ABLIM1: variants seen among roughly 807,000 people sequenced by gnomAD.
ABLIM1 encodes actin-binding LIM protein 1.
In ABLIM1, 40 loss-of-function variants were observed where a neutral mutation model predicts 107.0. The observed-to-expected ratio is 0.37, with a 90% CI of 0.29 to 0.49. ABLIM1 has a LOEUF of 0.49. Ranked by LOEUF, ABLIM1 falls within the 20% of genes least tolerant of loss-of-function variation. The pLI, the probability that ABLIM1 is intolerant of heterozygous loss-of-function variation, is 0.97. For missense variants in ABLIM1, 857 were observed against 1,008.5 expected (o/e 0.85, Z 2.04); for synonymous variants, 357 against 357.3 (o/e 1.00, Z 0.01).
At chr10:114,670,443 A>G (rs2080201733) in intron 1 of ABLIM1, among the ~76,000 whole-genome samples, 1 of 152,220 alleles carries the variant, frequency 6.6e-6, no homozygotes, top group African/African-American at 2.4e-5. Flanking sequence ...TGAGAAATGG[A>G]AATACAATCC....
At chr10:114,711,188 G>A (rs1008503151) in intron 1 of ABLIM1, among the ~76,000 whole-genome samples, 14 of 152,176 alleles carry the variant, frequency 9.2e-5, no homozygotes, top group Admixed American at 2.6e-4. Flanking sequence ...CGTAAGGAAC[G>A]GAATGGCTTC....
chr10:114,526,786 T>G lies in ABLIM1; in HGVS notation c.894+18219A>C, dbSNP rs1436795647. The G allele has an allele frequency of 1.5e-5, 15 of 985,410 alleles. No individual in the cohort carries two copies. The Admixed American group carries it at 9.2e-4, about 61-fold the overall frequency. 61.0% of individuals were successfully genotyped at this position (985,410 alleles called of 1,614,324 possible). A position where few individuals can be genotyped will look rare whatever the true frequency, so the allele number is the denominator to read the frequency against. On this transcript the variant is annotated intron_variant, in intron 6 of 22. Coordinates refer to ENST00000533213, the MANE Select transcript of ABLIM1 (RefSeq NM_002313.7). ...GATGCCAGACCTCAGCCCGACAGAC[T>G]GAGGCTCCCACCTGCCTGGGTTACA...
chr10:114,567,656 T>G (rs1347534773), intron 4 of ABLIM1, among the ~76,000 whole-genome samples: 1 of 152,206 alleles, frequency 6.6e-6, no homozygotes, highest in African/African-American at 2.4e-5. Flanking sequence ...TCAGAGACTC[T>G]TTCATATAAA....
intron 6 of ABLIM1, among the ~76,000 whole-genome samples, chr10:114,524,175 G>C (rs945499778): frequency 6.6e-6 from 1 of 152,204 alleles, no homozygotes; most frequent in African/African-American, 2.4e-5. Context: ...TCTGGTTTGG[G>C]TGGTGGTGGT....
At chr10:114,506,256 CCACCATGAATGGG>C in intron 6 of ABLIM1, among the ~76,000 whole-genome samples, 1 of 152,174 alleles carries the variant, frequency 6.6e-6, no homozygotes, top group Non-Finnish European at 1.5e-5. Context: ...TTTATCCAGT[CCACCATGAATGGG>C]CACCTAGGTT....
intron 1 of ABLIM1, among the ~76,000 whole-genome samples, chr10:114,723,261 G>C (rs2081889302): frequency 1.3e-5 from 2 of 152,146 alleles, no homozygotes; most frequent in South Asian, 4.1e-4. Flanking sequence ...AATGTGCAGT[G>C]GTCAGAGGAC....
At chr10:114,740,328 C>A (rs2082261125) in intron 1 of ABLIM1, among the ~76,000 whole-genome samples, 1 of 152,108 alleles carries the variant, frequency 6.6e-6, no homozygotes, top group South Asian at 2.1e-4. Flanking sequence ...AAAGCAGGCG[C>A]ACTAACACAA....
At chr10:114,533,741 T>C (rs1412444479) in intron 6 of ABLIM1, among the ~76,000 whole-genome samples, 2 of 152,120 alleles carry the variant, frequency 1.3e-5, no homozygotes, top group African/African-American at 4.8e-5. Context: ...TGATCATAGC[T>C]CACTGCAGCA....
rs759150336 is a variant in ABLIM1, at chr10:114,447,899, G to A, written c.1716C>T (p.Pro572=). The A allele has an allele frequency of 3.1e-5, 50 of 1,613,924 alleles. No individual in the cohort carries two copies. In the Admixed American group the frequency reaches 8.2e-4, roughly 26 times the overall value. ...PKIETDHWPG[P]PSFAVVGPDM... ...GCATACCTACGACAGCAAATGAGGG[G>A]GGACCAGGCCAGTGGTCCGTCTCAA... is the stretch of plus-strand genomic sequence containing the variant. Residue 572 remains proline, a synonymous_variant, in exon 15 of 23, where the codon CCC becomes CCT. Coordinates refer to ENST00000533213, the MANE Select transcript of ABLIM1 (RefSeq NM_002313.7).
intron 1 of ABLIM1, among the ~76,000 whole-genome samples, chr10:114,701,296 C>T (rs1381799888): frequency 6.6e-6 from 1 of 152,084 alleles, no homozygotes; most frequent in African/African-American, 2.4e-5. Flanking sequence ...ACAATTGTAA[C>T]TCTAATACAT....
chr10:114,627,282 C>A (rs2077875220), intron 1 of ABLIM1, among the ~76,000 whole-genome samples: 1 of 152,174 alleles, frequency 6.6e-6, no homozygotes, highest in African/African-American at 2.4e-5. Context: ...TATCCCCAAT[C>A]TTTAAAGCCT....
chr10:114,476,502 G>T (rs941544032), intron 8 of ABLIM1, among the ~76,000 whole-genome samples: 2 of 151,880 alleles, frequency 1.3e-5, no homozygotes. Context: ...AAATTAACTG[G>T]GTGTGGTGGC....
intron 4 of ABLIM1, among the ~76,000 whole-genome samples, chr10:114,560,513 G>C (rs769545187): frequency 6.6e-6 from 1 of 152,138 alleles, no homozygotes. Flanking sequence ...AACACTTATC[G>C]TGTTATAACT....
At chr10:114,626,816 A>C (rs2077838031) in intron 1 of ABLIM1, among the ~76,000 whole-genome samples, 1 of 152,152 alleles carries the variant, frequency 6.6e-6, no homozygotes, top group South Asian at 2.1e-4. Context: ...GCCTTAATCC[A>C]CTGGGACTGG....
At chr10:114,769,892 C>A (rs151221183), upstream of ABLIM1, among the ~76,000 whole-genome samples, 1,158 of 152,288 alleles carry the variant, frequency 7.6e-3, 11 homozygotes, top group African/African-American at 0.027. Flanking sequence ...CTTTCACTGT[C>A]TTTTAGGCAG....
upstream of ABLIM1, among the ~76,000 whole-genome samples, chr10:114,662,447 T>C (rs1193021736): frequency 6.6e-6 from 1 of 152,088 alleles, no homozygotes; most frequent in Non-Finnish European, 1.5e-5. Context: ...CTATCCCTGC[T>C]CCCTGCTCCC....
At chr10:114,605,894 G>A (rs1214787590) in intron 1 of ABLIM1, among the ~76,000 whole-genome samples, 1 of 152,132 alleles carries the variant, frequency 6.6e-6, no homozygotes, top group Non-Finnish European at 1.5e-5. Flanking sequence ...GTGCAGGACA[G>A]AAAGCAAAAA....
chr10:114,517,457 A>G (rs1390872963), intron 6 of ABLIM1, among the ~76,000 whole-genome samples: 1 of 151,586 alleles, frequency 6.6e-6, no homozygotes. Flanking sequence ...AAGAACCCCC[A>G]CTCCACACCG....
At chr10:114,784,349 A>AAAAGAAAGAAAGAAAGAAAG in the ABLIM1 span, among the ~76,000 whole-genome samples, 5 of 131,872 alleles carry the variant, frequency 3.8e-5, no homozygotes, top group African/African-American at 1.1e-4. Flanking sequence ...CTGTCTCAAA[A>AAAAGAAAGAAAGAAAGAAAG]AAAGAAAGAA....
Sources: allele counts gnomAD v4.1 joint callset (sites outside exome capture counted in the v4.1 genomes callset), GRCh38; gene constraint gnomAD v4.1.1; transcripts MANE v1.5; gene names NCBI Gene and HGNC (gene_info 2026-07-23, HGNC 2026-07-21).